Variants in TPD52L1 observed in about 807,000 individuals in gnomAD.
The protein encoded by TPD52L1 is tumor protein D53.
Under a neutral mutation model 28.7 loss-of-function variants are expected in TPD52L1, and 18 were observed. The ratio of observed to expected loss-of-function variants is 0.63; its 90% CI spans 0.43 to 0.93. The LOEUF is 0.93. Ranked by LOEUF, TPD52L1 falls within the 40% of genes least tolerant of loss-of-function variation. TPD52L1 has a pLI of 0.00. For synonymous variants in TPD52L1, 75 were observed against 88.8 expected, an observed-to-expected ratio of 0.84 and a Z score of 0.88; for missense variants, 203 against 254.8, an observed-to-expected ratio of 0.80 and a Z score of 1.39.
chr6:125,178,664 T>C (rs978058527), intron 1 of TPD52L1, among the ~76,000 whole-genome samples: 88 of 149,918 alleles, frequency 5.9e-4, no homozygotes, highest in African/African-American at 2.2e-3. Flanking sequence ...ACAAAATATA[T>C]ATATATATAT....
chr6:125,231,669 AGG>A (rs1192816335), intron 3 of TPD52L1, among the ~76,000 whole-genome samples: 2 of 152,026 alleles, frequency 1.3e-5, no homozygotes, highest in African/African-American at 4.8e-5. Context: ...ATCATGGACA[AGG>A]GGGATAGAAA....
At chr6:125,193,724 T>G (rs1462550650) in intron 1 of TPD52L1, among the ~76,000 whole-genome samples, 2 of 152,156 alleles carry the variant, frequency 1.3e-5, no homozygotes, top group African/African-American at 4.8e-5. Context: ...ACAAATATAT[T>G]AATTCATGTG....
At chr6:125,184,601 T>G (rs191349533) in intron 1 of TPD52L1, among the ~76,000 whole-genome samples, 1 of 152,344 alleles carries the variant, frequency 6.6e-6, no homozygotes, top group East Asian at 1.9e-4. Flanking sequence ...GGTATTTTGT[T>G]TGCATATGAT....
intron 1 of TPD52L1, chr6:125,203,513 T>C: frequency 1.7e-5 from 7 of 423,926 alleles, no homozygotes; most frequent in Non-Finnish European, 2.2e-5. Context: ...ATTTGAAATG[T>C]AGGAAATTGG....
intron 1 of TPD52L1, among the ~76,000 whole-genome samples, chr6:125,172,512 C>CTA (rs60135828): frequency 0.12 from 1,928 of 16,214 alleles, 124 homozygotes; most frequent in South Asian, 0.15. Flanking sequence ...CTCTTTCATG[C>CTA]TATATATATA....
chr6:125,165,484 C>A (rs905645376), intron 1 of TPD52L1, among the ~76,000 whole-genome samples: 1 of 152,158 alleles, frequency 6.6e-6, no homozygotes, highest in Non-Finnish European at 1.5e-5. Context: ...AACCACAAAT[C>A]TCCAAGAATA....
chr6:125,230,617 T>C (rs1316350866), intron 3 of TPD52L1, among the ~76,000 whole-genome samples: 1 of 152,182 alleles, frequency 6.6e-6, no homozygotes, highest in Admixed American at 6.5e-5. Flanking sequence ...AGAACTAAGA[T>C]GTAAGCCTTT....
chr6:125,216,453 T>C (rs1353920978), intron 1 of TPD52L1, among the ~76,000 whole-genome samples: 1 of 150,382 alleles, frequency 6.6e-6, no homozygotes, highest in East Asian at 1.9e-4. Context: ...TGTGTGTCTT[T>C]ACACACGAAA....
chr6:125,241,199 T>G (rs1208307774), intron 3 of TPD52L1, among the ~76,000 whole-genome samples: 2 of 152,180 alleles, frequency 1.3e-5, no homozygotes, highest in African/African-American at 4.8e-5. Context: ...GTGGATTATA[T>G]TTTTGATATG....
chr6:125,242,366 A>G (rs1796664859), intron 3 of TPD52L1, among the ~76,000 whole-genome samples: 1 of 151,998 alleles, frequency 6.6e-6, no homozygotes, highest in South Asian at 2.1e-4. Flanking sequence ...TCTTGATGAC[A>G]TGTCTAGTGC....
At chr6:125,208,918 C>A in intron 1 of TPD52L1, 2 of 985,424 alleles carry the variant, frequency 2.0e-6, no homozygotes, top group Non-Finnish European at 1.2e-6. Context: ...AATAAGCCAG[C>A]AGGCCCAAGG....
chr6:125,153,884 G>A lies in TPD52L1; in HGVS notation c.-68G>A. 14 of 1,544,676 alleles carry A rather than the reference G, an allele frequency of 9.1e-6. No individual in the cohort carries two copies. Among genetic ancestry groups the A allele is most frequent in the Middle Eastern group, 1.7e-4 (1 of 5,930 alleles). On this transcript the variant is annotated 5_prime_UTR_variant, in exon 1 of 7. Coordinates refer to ENST00000534000, the MANE Select transcript of TPD52L1 (RefSeq NM_003287.4). The stretch of plus-strand genomic sequence containing the variant: ...GGGGCCAGCTGCGTTCTGAGCCTGG[G>A]CGCAGCTGCCATCTGCTCTGGGAAG...
At chr6:125,235,131 T>TAATAATAATAATAATAAA (rs1200773296) in intron 3 of TPD52L1, among the ~76,000 whole-genome samples, 39 of 149,908 alleles carry the variant, frequency 2.6e-4, no homozygotes, top group East Asian at 7.8e-4. Context: ...ATAATAATAA[T>TAATAATAATAATAATAAA]AAAACACCAA....
At chr6:125,157,038 T>C (rs1451581870) in intron 1 of TPD52L1, among the ~76,000 whole-genome samples, 1 of 152,248 alleles carries the variant, frequency 6.6e-6, no homozygotes, top group Non-Finnish European at 1.5e-5. Flanking sequence ...GAAATCTTTT[T>C]TCCACTTGCA....
chr6:125,154,679 C>A, intron 1 of TPD52L1: 1 of 253,596 alleles, frequency 3.9e-6, no homozygotes, highest in Non-Finnish European at 6.2e-6. Flanking sequence ...CTTGGGGTCA[C>A]ACTTGGAACA....
chr6:125,168,145 A>T (rs1791028413), intron 1 of TPD52L1, among the ~76,000 whole-genome samples: 1 of 152,054 alleles, frequency 6.6e-6, no homozygotes, highest in African/African-American at 2.4e-5. Context: ...AACAGTAGAA[A>T]ATTATTCATC....
intron 6 of TPD52L1, among the ~76,000 whole-genome samples, chr6:125,259,587 A>G (rs762855760): frequency 1.3e-5 from 2 of 152,240 alleles, no homozygotes; most frequent in African/African-American, 2.4e-5. Context: ...ATCTTCTGCC[A>G]TCTCCCAATG....
At chr6:125,234,162 A>G (rs2114999382) in intron 3 of TPD52L1, among the ~76,000 whole-genome samples, 1 of 152,368 alleles carries the variant, frequency 6.6e-6, no homozygotes, top group East Asian at 1.9e-4. Context: ...CATTGCTTTA[A>G]AAAACATTAG....
intron 5 of TPD52L1, among the ~76,000 whole-genome samples, chr6:125,254,562 T>C (rs1262275279): frequency 6.6e-6 from 1 of 152,118 alleles, no homozygotes; most frequent in African/African-American, 2.4e-5. Context: ...ATGAAGCCTT[T>C]GGGATCTTCC....
Sources: allele counts gnomAD v4.1 joint callset (sites outside exome capture counted in the v4.1 genomes callset), GRCh38; gene constraint gnomAD v4.1.1; transcripts MANE v1.5; gene names NCBI Gene and HGNC (gene_info 2026-07-23, HGNC 2026-07-21).